Variants in MEGF11 observed in about 807,000 individuals in gnomAD.
MEGF11 encodes the protein multiple epidermal growth factor-like domains protein 11.
Under a neutral mutation model 146.6 loss-of-function variants are expected in MEGF11, and 126 were observed. The ratio of observed to expected loss-of-function variants is 0.86; its 90% CI spans 0.74 to 1.00. The LOEUF (loss-of-function observed/expected upper bound fraction) is 1.00, where lower values mean the gene tolerates loss of function less well. MEGF11 is among the 50% of genes least tolerant of loss of function. MEGF11 has a pLI of 0.00. For synonymous variants in MEGF11, 532 were observed against 583.4 expected (o/e 0.91, Z 1.27); for missense variants, 1,509 against 1,521.2 (o/e 0.99, Z 0.13).
chr15:66,176,058 A>G (rs2090381460), intron 1 of MEGF11, among the ~76,000 whole-genome samples: 1 of 152,254 alleles, frequency 6.6e-6, no homozygotes, highest in African/African-American at 2.4e-5. Context: ...ATAAACATAT[A>G]TAAAAATGTT....
chr15:65,949,286 T>C (rs952844561), intron 10 of MEGF11, among the ~76,000 whole-genome samples: 1 of 152,174 alleles, frequency 6.6e-6, no homozygotes, highest in South Asian at 2.1e-4. Context: ...CAATCACTGC[T>C]CCACTGATCT....
chr15:66,182,568 C>A (rs1409268650), intron 1 of MEGF11, among the ~76,000 whole-genome samples: 1 of 151,934 alleles, frequency 6.6e-6, no homozygotes, highest in Non-Finnish European at 1.5e-5. Context: ...GTGTATTATT[C>A]GCAGGGAGAA....
chr15:65,957,574 C>T lies in MEGF11; in HGVS notation c.1260G>A (p.Gly420=). 2 of 1,613,786 alleles carry T rather than the reference C, an allele frequency of 1.2e-6. No homozygotes were observed. Among genetic ancestry groups the T allele is most frequent in the Non-Finnish European group, 1.7e-6 (2 of 1,179,838 alleles). Residue 420 remains glycine, a synonymous_variant, in exon 10 of 26, where the codon GGG becomes GGA. Coordinates refer to ENST00000395614, the MANE Select transcript of MEGF11 (RefSeq NM_001385028.1). ...TGAAGCCCGGAGCACAAGTGCAGCC[C>T]CCAGTGATGCTGTGGCAGTCGGCGC... The part of the protein sequence containing the change: ...QNGADCHSIT[G]GCTCAPGFMG...
chr15:65,912,679 C>A (rs754150912), intron 20 of MEGF11, among the ~76,000 whole-genome samples: 2 of 152,206 alleles, frequency 1.3e-5, no homozygotes, highest in African/African-American at 4.8e-5. Context: ...CCCTAGCCAG[C>A]CTTCTCAGTA....
chr15:66,163,021 T>C (rs971875295), intron 1 of MEGF11, among the ~76,000 whole-genome samples: 8 of 152,122 alleles, frequency 5.3e-5, no homozygotes, highest in African/African-American at 1.9e-4. Flanking sequence ...ATACTGCTCA[T>C]ATACCCTGAA....
At chr15:65,966,808 AC>A (rs1008752985) in intron 8 of MEGF11, among the ~76,000 whole-genome samples, 6 of 151,572 alleles carry the variant, frequency 4.0e-5, no homozygotes, top group Non-Finnish European at 7.4e-5. Flanking sequence ...GGCGAGTGTG[AC>A]CCCCCACTGC....
intron 5 of MEGF11, among the ~76,000 whole-genome samples, chr15:66,035,500 C>G (rs542909464): frequency 6.6e-6 from 1 of 152,214 alleles, no homozygotes; most frequent in African/African-American, 2.4e-5. Context: ...GCCCTTCTTC[C>G]CCCTTTACCT....
At chr15:66,005,413 A>G (rs1298347740) in intron 5 of MEGF11, among the ~76,000 whole-genome samples, 1 of 152,232 alleles carries the variant, frequency 6.6e-6, no homozygotes, top group Non-Finnish European at 1.5e-5. Context: ...GCTTGAAAAC[A>G]TGCTTGTGAA....
At chr15:66,137,349 G>A (rs944835909) in intron 1 of MEGF11, among the ~76,000 whole-genome samples, 4 of 152,160 alleles carry the variant, frequency 2.6e-5, no homozygotes, top group South Asian at 2.1e-4. Flanking sequence ...ATTCACCGAC[G>A]TGGGAAGATG....
chr15:66,192,811 AT>A (rs1400770928), intron 1 of MEGF11, among the ~76,000 whole-genome samples: 21 of 152,250 alleles, frequency 1.4e-4, no homozygotes, highest in Non-Finnish European at 2.5e-4. Context: ...GGATCTTCTG[AT>A]TCCTGGCGTG....
chr15:65,926,305 A>G (rs2141279746), intron 13 of MEGF11, among the ~76,000 whole-genome samples: 1 of 152,358 alleles, frequency 6.6e-6, no homozygotes, highest in South Asian at 2.1e-4. Context: ...TATCTGTGGC[A>G]TGAGAAGGTT....
At chr15:66,110,551 C>T (rs537751450) in intron 4 of MEGF11, among the ~76,000 whole-genome samples, 1 of 152,168 alleles carries the variant, frequency 6.6e-6, no homozygotes, top group Non-Finnish European at 1.5e-5. Context: ...AGACCATGTG[C>T]TTCTTATTCA....
At chr15:65,953,297 A>G (rs1381348107) in intron 10 of MEGF11, among the ~76,000 whole-genome samples, 1 of 152,228 alleles carries the variant, frequency 6.6e-6, no homozygotes, top group Non-Finnish European at 1.5e-5. Context: ...GTCAGGCAGG[A>G]TAAGTGGCTT....
chr15:66,009,625 C>T (rs901957876), intron 5 of MEGF11, among the ~76,000 whole-genome samples: 4 of 149,652 alleles, frequency 2.7e-5, no homozygotes. Flanking sequence ...CAGAGTCTCG[C>T]TCTGTTGCCC....
At chr15:66,153,136 C>T (rs1277247030) in intron 1 of MEGF11, among the ~76,000 whole-genome samples, 1 of 152,184 alleles carries the variant, frequency 6.6e-6, no homozygotes, top group Non-Finnish European at 1.5e-5. Context: ...TCACAAAGGG[C>T]CCTGGTTTCT....
At chr15:66,179,805 C>G (rs1240656388) in intron 1 of MEGF11, among the ~76,000 whole-genome samples, 1 of 151,364 alleles carries the variant, frequency 6.6e-6, no homozygotes, top group Non-Finnish European at 1.5e-5. Context: ...AAGCCTGCCC[C>G]TGCCACCACC....
rs562959666 is a variant in MEGF11, at chr15:65,899,699, C to G, written c.3056-765G>C. Among the ~76,000 whole-genome samples the G allele has an allele frequency of 2.6e-5, 4 of 152,314 alleles. No individual in the cohort carries two copies. In the South Asian group the frequency reaches 8.3e-4, roughly 32 times the overall value. On this transcript the variant is annotated intron_variant, in intron 24 of 25. Transcript: ENST00000395614. ...AAAAAGCACGTCAGTCTTAAGCTAGCCTTTGGAAAGTTCCTGTTTTCTAGC... is the reference window on the plus strand; with the variant it reads ...AAAAAGCACGTCAGTCTTAAGCTAGGCTTTGGAAAGTTCCTGTTTTCTAGC...
chr15:66,168,103 G>A (rs1396954940), intron 1 of MEGF11, among the ~76,000 whole-genome samples: 3 of 151,896 alleles, frequency 2.0e-5, no homozygotes, highest in Admixed American at 6.6e-5. Context: ...AAATGCTCAC[G>A]GTGCATTCCA....
chr15:66,101,687 T>C (rs2086815240), intron 4 of MEGF11, among the ~76,000 whole-genome samples: 1 of 152,240 alleles, frequency 6.6e-6, no homozygotes, highest in Admixed American at 6.5e-5. Context: ...AGTATCTGAA[T>C]CTGCAGAGGC....
Sources: gnomAD v4.1 joint callset for allele counts (sites outside exome capture counted in the v4.1 genomes callset) on GRCh38, gnomAD v4.1.1 for gene constraint, MANE v1.5 for transcripts, NCBI Gene and HGNC (gene_info 2026-07-23, HGNC 2026-07-21) for gene names.